Variants in UBE2O observed in about 807,000 individuals in gnomAD.
UBE2O encodes the protein (E3-independent) E2 ubiquitin-conjugating enzyme.
UBE2O carries 15 observed loss-of-function variants against 125.8 expected under a neutral mutation model. The observed-to-expected ratio is 0.12, with a 90% confidence interval of 0.08 to 0.18. The LOEUF (loss-of-function observed/expected upper bound fraction) is 0.18. UBE2O is among the 10% of genes least tolerant of loss of function. The probability of loss-of-function intolerance (pLI) is 1.00; values close to 1 mark genes in which losing one functional copy is unlikely to be tolerated. For missense variants in UBE2O, 1,280 were observed against 1,723.6 expected, an observed-to-expected ratio of 0.74 and a Z score of 4.56; for synonymous variants, 708 against 703.2, an observed-to-expected ratio of 1.01 and a Z score of -0.11.
rs769820292 is a variant in UBE2O, at chr17:76,396,635, C to A, written c.2302G>T (p.Ala768Ser). Residue 768 changes from alanine to serine, a missense_variant, in exon 14 of 18, where the codon GCC becomes TCC. Ala to Ser is a moderately conservative substitution (Grantham distance 99, BLOSUM62 1). Coordinates refer to ENST00000319380, the MANE Select transcript of UBE2O (RefSeq NM_022066.4). This position sits in a 1 kb window ranked among gnomAD's most constrained non-coding sequence, Gnocchi z 6.7. ...PPIPPLEQPV[A>S]PEDKGVVISE... is the part of the protein sequence containing the mutation. Reference sequence around the variant, plus strand: ...ATCACCACTCCCTTGTCCTCAGGGGCCACCGGCTGCTCCAGGGGTGGGATG... The same window carrying A: ...ATCACCACTCCCTTGTCCTCAGGGGACACCGGCTGCTCCAGGGGTGGGATG... 6.2e-7 allele frequency: 1 copy of A among 1,613,200 alleles called. No individual in the cohort carries two copies. The highest frequency in any genetic ancestry group is 8.5e-7 in the Non-Finnish European group (1 of 1,179,770).
chr17:76,400,019 T>C lies in UBE2O; in HGVS notation c.1156-98A>G. The C allele has an allele frequency of 2.0e-6, 3 of 1,525,424 alleles. No homozygotes were observed. Among genetic ancestry groups the C allele is most frequent in the African/African-American group, 1.4e-5 (1 of 72,578 alleles). 94.5% of individuals were successfully genotyped at this position (1,525,424 alleles called of 1,614,324 possible). ...TGGGGGGATGACAGCTGTATACACC[T>C]GAGTAGCCGGCAAGGGTCATCAGGG... is the stretch of plus-strand genomic sequence containing the variant. On this transcript the variant is annotated intron_variant, in intron 8 of 17. Coordinates refer to ENST00000319380, the MANE Select transcript of UBE2O (RefSeq NM_022066.4). The surrounding 1 kb of genome is among the most constrained non-coding windows in gnomAD (Gnocchi z 4.3).
At chr17:76,450,027 G>A (rs2073211895) in intron 1 of UBE2O, among the ~76,000 whole-genome samples, 1 of 150,942 alleles carries the variant, frequency 6.6e-6, no homozygotes, top group Non-Finnish European at 1.5e-5. Flanking sequence ...GGAATTCAAG[G>A]ACACCTGAGT....
intron 1 of UBE2O, among the ~76,000 whole-genome samples, chr17:76,451,698 G>A (rs1041609619): frequency 1.3e-5 from 2 of 152,218 alleles, no homozygotes; most frequent in Admixed American, 1.3e-4. Flanking sequence ...CTAAAACAGC[G>A]TAGGCCTGAT....
intron 1 of UBE2O, among the ~76,000 whole-genome samples, chr17:76,438,907 AC>A (rs1348427135): frequency 6.6e-6 from 1 of 152,140 alleles, no homozygotes; most frequent in Non-Finnish European, 1.5e-5. Flanking sequence ...CACAGAGGAC[AC>A]AACTCATCTG....
intron 1 of UBE2O, among the ~76,000 whole-genome samples, chr17:76,407,410 C>G (rs984307850): frequency 3.3e-5 from 5 of 152,220 alleles, no homozygotes; most frequent in Admixed American, 6.5e-5. Flanking sequence ...TGTGCTGCCC[C>G]ACCCTATCTT....
chr17:76,444,981 C>T (rs1045315100), intron 1 of UBE2O, among the ~76,000 whole-genome samples: 11 of 152,310 alleles, frequency 7.2e-5, no homozygotes, highest in South Asian at 4.1e-4. Flanking sequence ...ACACACAGTC[C>T]GCTGAATCTG....
chr17:76,440,390 C>T lies in UBE2O; in HGVS notation c.417+12335G>A, dbSNP rs1250561538. ...CTAGGCTTAAGGGCAATGGGTCGCA[C>T]GATCACGGCCCATTGCCACCTCGAC... On this transcript the variant is annotated intron_variant, in intron 1 of 17. Coordinates refer to ENST00000319380, the MANE Select transcript of UBE2O (RefSeq NM_022066.4). Among the ~76,000 whole-genome samples, 4 of 152,174 alleles carry T rather than the reference C, an allele frequency of 2.6e-5. No individual in the cohort carries two copies. In the East Asian group the frequency reaches 7.7e-4, roughly 29 times the overall value.
At position 76,395,533 on chromosome 17, in the gene UBE2O, T is replaced by C. The variant is rs2072191841; in HGVS notation, c.2946+192A>G. On this transcript the variant is annotated intron_variant, in intron 15 of 17. Transcript: ENST00000319380. The surrounding 1 kb of genome is among the most constrained non-coding windows in gnomAD (Gnocchi z 5.0). The stretch of plus-strand genomic sequence containing the variant: ...AAAGGAGGGAGGAAAGAAAGAACCA[T>C]CTGGCCTGGACACACGGCTGAGTCA... The C allele has an allele frequency of 1.7e-6, 1 of 573,306 alleles. No individual in the cohort carries two copies. The highest frequency in any genetic ancestry group is 3.0e-6 in the Non-Finnish European group (1 of 338,080). 35.5% of individuals were successfully genotyped at this position (573,306 alleles called of 1,614,324 possible). A position where few individuals can be genotyped will look rare whatever the true frequency, so the allele number is the denominator to read the frequency against.
chr17:76,412,610 A>C (rs753011633), intron 1 of UBE2O, among the ~76,000 whole-genome samples: 1 of 152,162 alleles, frequency 6.6e-6, no homozygotes, highest in Non-Finnish European at 1.5e-5. Flanking sequence ...TGAAGGGTCT[A>C]GCTCCACGCT....
At position 76,399,130 on chromosome 17, in the gene UBE2O, T is replaced by G; in HGVS notation, c.1629-139A>C. ...ATCCCAGGTTGGCAGGATGAGTCTC[T>G]GGTGCACAGGAAGCTCACCCAGGGT... On this transcript the variant is annotated intron_variant, in intron 9 of 17. Coordinates refer to ENST00000319380, the MANE Select transcript of UBE2O (RefSeq NM_022066.4). The surrounding 1 kb of genome is among the most constrained non-coding windows in gnomAD (Gnocchi z 6.9). 1 of 1,172,438 alleles carries G rather than the reference T, an allele frequency of 8.5e-7. No individual in the cohort carries two copies. The highest frequency in any genetic ancestry group is 1.5e-5 in the South Asian group (1 of 65,290). The allele number at this position is 1,172,438 out of a possible 1,614,324, so 72.6% of individuals were successfully genotyped here.
At chr17:76,444,581 G>C (rs907797628) in intron 1 of UBE2O, among the ~76,000 whole-genome samples, 2 of 152,180 alleles carry the variant, frequency 1.3e-5, no homozygotes, top group African/African-American at 4.8e-5. Context: ...CAAATGCAGT[G>C]ATCAGAAATT....
intron 1 of UBE2O, among the ~76,000 whole-genome samples, chr17:76,450,358 A>G (rs2143934258): frequency 6.6e-6 from 1 of 152,268 alleles, no homozygotes; most frequent in Admixed American, 6.5e-5. Context: ...TCATGGTAAC[A>G]GAGCTACCTA....
At chr17:76,414,353 T>C (rs1373481888) in intron 1 of UBE2O, among the ~76,000 whole-genome samples, 1 of 152,232 alleles carries the variant, frequency 6.6e-6, no homozygotes, top group East Asian at 1.9e-4. Context: ...GGGAATTAGC[T>C]TTCTAGAACT....
At position 76,398,722 on chromosome 17, in the gene UBE2O, C is replaced by A; in HGVS notation, c.1783+115G>T. 6.7e-7 allele frequency: 1 copy of A among 1,491,482 alleles called. No individual in the cohort carries two copies. The highest frequency in any genetic ancestry group is 9.2e-7 in the Non-Finnish European group (1 of 1,090,936). 92.4% of individuals were successfully genotyped at this position (1,491,482 alleles called of 1,614,324 possible). A position where few individuals can be genotyped will look rare whatever the true frequency, so the allele number is the denominator to read the frequency against. ...GAGACCCCTTCATGAGGGCAGTCCCCTTCTGGACCTCATTTTAGCTCTGAC... is the reference window on the plus strand; with the variant it reads ...GAGACCCCTTCATGAGGGCAGTCCCATTCTGGACCTCATTTTAGCTCTGAC... On this transcript the variant is annotated intron_variant, in intron 10 of 17. Transcript: ENST00000319380. The surrounding 1 kb of genome is among the most constrained non-coding windows in gnomAD (Gnocchi z 5.4).
chr17:76,417,443 G>A (rs1302242200), intron 1 of UBE2O, among the ~76,000 whole-genome samples: 2 of 152,232 alleles, frequency 1.3e-5, no homozygotes, highest in East Asian at 3.8e-4. Context: ...TATTATTACA[G>A]TGAGGGGATT....
In UBE2O at chr17:76,390,844, G is replaced by A; in HGVS notation, c.*99C>T. 7.9e-7 allele frequency: 1 copy of A among 1,262,720 alleles called. No individual in the cohort carries two copies. Among genetic ancestry groups the A allele is most frequent in the Non-Finnish European group, 1.1e-6 (1 of 916,654 alleles). 78.2% of individuals were successfully genotyped at this position (1,262,720 alleles called of 1,614,324 possible). On this transcript the variant is annotated 3_prime_UTR_variant, in exon 18 of 18. Coordinates refer to ENST00000319380, the MANE Select transcript of UBE2O (RefSeq NM_022066.4). ...AGAAGAGGGCAGTGGGTTTGCAGTGGGGACAGAGGGGCATGGGAAGAGGGG... is the reference window on the plus strand; with the variant it reads ...AGAAGAGGGCAGTGGGTTTGCAGTGAGGACAGAGGGGCATGGGAAGAGGGG...
At position 76,400,273 on chromosome 17, in the gene UBE2O, G is replaced by A; in HGVS notation, c.1029C>T (p.Asp343=). ...GCTCCCCAAGCTGCCGCTGAGCATG[G>A]TCAAAGCATCCGAGACGCTTCACCC... ...LGRVKRLGCF[D]HAQRQLGERC... Residue 343 remains aspartate, a synonymous_variant, in exon 8 of 18, where the codon GAC becomes GAT. Coordinates refer to ENST00000319380, the MANE Select transcript of UBE2O (RefSeq NM_022066.4). This position sits in a 1 kb window ranked among gnomAD's most constrained non-coding sequence, Gnocchi z 4.3. 3 of 1,613,978 alleles carry A rather than the reference G, an allele frequency of 1.9e-6. No individual in the cohort carries two copies. The highest frequency in any genetic ancestry group is 2.5e-6 in the Non-Finnish European group (3 of 1,180,000).
In UBE2O at chr17:76,391,147, G is replaced by A. The variant is rs144556802; in HGVS notation, c.3675C>T (p.Asp1225=). The A allele has an allele frequency of 7.0e-4, 1,126 of 1,613,808 alleles. 1 individual carries two copies. Among genetic ancestry groups the A allele is most frequent in the Middle Eastern group, 3.6e-3 (22 of 6,060 alleles). The change falls in exon 18 of 18, where the codon GAC becomes GAT. Residue 1225 remains aspartate, a synonymous_variant. Transcript: ENST00000319380. This position sits in a 1 kb window ranked among gnomAD's most constrained non-coding sequence, Gnocchi z 8.4. ...GTTTCACACTGGGTGGCACCGATGC[G>A]TCTGGTGCGGTCTCCGAAGTCTGGT... is the stretch of plus-strand genomic sequence containing the variant. ...HTDQTSETAP[D]ASVPPSVKPK...
chr17:76,391,283 G>A lies in UBE2O; in HGVS notation c.3539C>T (p.Ser1180Phe), dbSNP rs777488823. 1 of 1,612,848 alleles carries A rather than the reference G, an allele frequency of 6.2e-7. No individual in the cohort carries two copies. The highest frequency in any genetic ancestry group is 1.7e-5 in the Admixed American group (1 of 60,024). ...TCCATCCTCAGGTTCTTGTTGGCCG[G>A]AGTCTGACAGCTCGGCTACAGCTGG... Reference protein sequence around the residue: ...EPPAVAELSDSGQQEPEDGGP... With the variant: ...EPPAVAELSDFGQQEPEDGGP... The change falls in exon 18 of 18, where the codon TCC (serine) becomes TTC (phenylalanine). Residue 1180 changes from serine (S) to phenylalanine (F), a missense_variant. Coordinates refer to ENST00000319380, the MANE Select transcript of UBE2O (RefSeq NM_022066.4). This position sits in a 1 kb window ranked among gnomAD's most constrained non-coding sequence, Gnocchi z 8.4.
Sources: gnomAD v4.1 joint callset for allele counts (sites outside exome capture counted in the v4.1 genomes callset) on GRCh38, gnomAD v4.1.1 for gene constraint, Gnocchi (gnomAD v3.1) non-coding constraint, MANE v1.5 for transcripts, NCBI Gene and HGNC (gene_info 2026-07-23, HGNC 2026-07-21) for gene names.